Variants in IQCJ observed in about 807,000 individuals in gnomAD.
IQCJ encodes IQ domain-containing protein J.
IQCJ carries 9 observed loss-of-function variants against 11.0 expected under a neutral mutation model. The observed-to-expected ratio is 0.82, with a 90% CI of 0.49 to 1.43. IQCJ has a LOEUF of 1.43. Among genes scored for constraint, IQCJ ranks in the 40% most tolerant of loss-of-function variants. The pLI is 0.00. For missense variants in IQCJ, 146 were observed against 133.2 expected (o/e 1.10, Z -0.47); for synonymous variants, 55 against 51.3 (o/e 1.07, Z -0.31).
At chr3:159,189,484 T>G (rs2108035936) in intron 1 of IQCJ, among the ~76,000 whole-genome samples, 1 of 152,184 alleles carries the variant, frequency 6.6e-6, no homozygotes, top group East Asian at 1.9e-4. Flanking sequence ...TTTCATCATT[T>G]TACTCTGCAC....
chr3:159,248,976 C>T (rs140117673), intron 2 of IQCJ, among the ~76,000 whole-genome samples: 252 of 152,114 alleles, frequency 1.7e-3, no homozygotes, highest in African/African-American at 5.9e-3. Context: ...CCTGCCTTAG[C>T]CTCCTTAGTT....
intron 1 of IQCJ, among the ~76,000 whole-genome samples, chr3:159,131,900 C>G (rs188121598): frequency 6.6e-6 from 1 of 151,984 alleles, no homozygotes; most frequent in Non-Finnish European, 1.5e-5. Flanking sequence ...AGAGTACCTT[C>G]TTTTTATTCC....
intron 1 of IQCJ, among the ~76,000 whole-genome samples, chr3:159,198,046 T>A (rs987625481): frequency 4.6e-5 from 7 of 152,178 alleles, no homozygotes; most frequent in African/African-American, 1.7e-4. Context: ...TCTGGTTGAA[T>A]TATAAATACC....
chr3:159,087,502 C>T lies in IQCJ; in HGVS notation c.9+18061C>T, dbSNP rs779047365. 5.2e-4 allele frequency among the ~76,000 whole-genome samples: 79 copies of T among 151,970 alleles called. 1 individual carries two copies. The highest frequency in any genetic ancestry group is 1.0e-3 in the Non-Finnish European group (71 of 68,020). The stretch of plus-strand genomic sequence containing the variant: ...AGTTTCAGAAGGAATGGTACCAAGT[C>T]CTCCTTGTACCTCTGGTAAAATTCA... On this transcript the variant is annotated intron_variant, in intron 1 of 3. Transcript: ENST00000397832.
intron 1 of IQCJ, among the ~76,000 whole-genome samples, chr3:159,139,508 G>A (rs1323060267): frequency 6.6e-6 from 1 of 152,104 alleles, no homozygotes; most frequent in Admixed American, 6.5e-5. Flanking sequence ...CATGAGGTCC[G>A]GCTCACTGCA....
chr3:159,207,825 C>A (rs1407779723), intron 1 of IQCJ, among the ~76,000 whole-genome samples: 2 of 152,136 alleles, frequency 1.3e-5, no homozygotes, highest in Non-Finnish European at 2.9e-5. Context: ...TTATCTCAAA[C>A]CTTTGGGGCA....
chr3:159,137,813 A>G (rs1036329151), intron 1 of IQCJ, among the ~76,000 whole-genome samples: 15 of 152,214 alleles, frequency 9.9e-5, no homozygotes, highest in African/African-American at 3.6e-4. Flanking sequence ...TGAATCTCTA[A>G]AAAATAAACC....
At chr3:159,136,525 G>C (rs1408947740) in intron 1 of IQCJ, among the ~76,000 whole-genome samples, 1 of 152,164 alleles carries the variant, frequency 6.6e-6, no homozygotes, top group Non-Finnish European at 1.5e-5. Context: ...GCCATAAACT[G>C]GGTGGCTTAT....
chr3:159,175,366 G>C (rs913688665), intron 1 of IQCJ, among the ~76,000 whole-genome samples: 1 of 152,168 alleles, frequency 6.6e-6, no homozygotes, highest in African/African-American at 2.4e-5. Flanking sequence ...AGCTACTCTG[G>C]AAGCTGAAGT....
intron 1 of IQCJ, among the ~76,000 whole-genome samples, chr3:159,173,084 C>T (rs998777873): frequency 2.6e-5 from 4 of 152,142 alleles, no homozygotes; most frequent in Admixed American, 2.0e-4. Context: ...ATCTTACTTT[C>T]CAGACCTTTT....
intron 1 of IQCJ, among the ~76,000 whole-genome samples, chr3:159,145,017 A>T (rs1720844531): frequency 6.6e-6 from 1 of 152,136 alleles, no homozygotes; most frequent in African/African-American, 2.4e-5. Context: ...TTGCTGCTGT[A>T]TCACTGAGCT....
At chr3:159,165,020 T>C (rs1217218890) in intron 1 of IQCJ, among the ~76,000 whole-genome samples, 2 of 152,198 alleles carry the variant, frequency 1.3e-5, no homozygotes, top group Non-Finnish European at 2.9e-5. Context: ...TATTTACATC[T>C]TATTCACCAA....
intron 1 of IQCJ, among the ~76,000 whole-genome samples, chr3:159,154,775 C>A (rs1268104461): frequency 6.6e-6 from 1 of 152,178 alleles, no homozygotes; most frequent in Non-Finnish European, 1.5e-5. Flanking sequence ...TGTTATTGAG[C>A]ACTGCAGTCA....
At position 159,104,787 on chromosome 3, in the gene IQCJ, T is replaced by C. The variant is rs537752161; in HGVS notation, c.9+35346T>C. The stretch of plus-strand genomic sequence containing the variant: ...ATACATCCTTAGATTTCTCTTTAAA[T>C]GTAATTTAATTCAGGAAACCTTTTC... On this transcript the variant is annotated intron_variant, in intron 1 of 3. Transcript: ENST00000397832. 7.0e-4 allele frequency among the ~76,000 whole-genome samples: 107 copies of C among 152,386 alleles called. No individual in the cohort carries two copies. In the South Asian group the frequency reaches 8.1e-3, roughly 11 times the overall value.
At chr3:159,212,533 C>T (rs1725011173) in intron 1 of IQCJ, among the ~76,000 whole-genome samples, 2 of 152,178 alleles carry the variant, frequency 1.3e-5, no homozygotes, top group Admixed American at 1.3e-4. Context: ...GGCTCTACTT[C>T]CAGGCTATCA....
intron 1 of IQCJ, among the ~76,000 whole-genome samples, chr3:159,109,539 A>AAC (rs1718487996): frequency 6.6e-6 from 1 of 151,340 alleles, no homozygotes; most frequent in South Asian, 2.1e-4. Flanking sequence ...AAAAAAAAAA[A>AAC]AAAAAAACCA....
intron 1 of IQCJ, among the ~76,000 whole-genome samples, chr3:159,074,581 G>A (rs555930592): frequency 2.0e-4 from 31 of 152,096 alleles, no homozygotes; most frequent in South Asian, 1.3e-3. Flanking sequence ...GGCACTGCTC[G>A]TTCAACTCCT....
chr3:159,087,965 T>G (rs1398270436), intron 1 of IQCJ, among the ~76,000 whole-genome samples: 5 of 150,152 alleles, frequency 3.3e-5, no homozygotes, highest in Admixed American at 1.3e-4. Context: ...TGCTAGCTTT[T>G]GAATGTGTTT....
intron 1 of IQCJ, among the ~76,000 whole-genome samples, chr3:159,089,597 T>A (rs2108077016): frequency 6.6e-6 from 1 of 151,986 alleles, no homozygotes; most frequent in African/African-American, 2.4e-5. Flanking sequence ...AGTCCCATAT[T>A]TCTTGGAGGC....
Sources: allele counts gnomAD v4.1 joint callset (sites outside exome capture counted in the v4.1 genomes callset), GRCh38; gene constraint gnomAD v4.1.1; transcripts MANE v1.5; gene names NCBI Gene and HGNC (gene_info 2026-07-23, HGNC 2026-07-21).